SGSM3: variants seen among roughly 807,000 people sequenced by gnomAD.
SGSM3 encodes RUN and SH3 containing 3.
In SGSM3, 96 loss-of-function variants were observed where a neutral mutation model predicts 100.5. The ratio of observed to expected loss-of-function variants is 0.96; its 90% CI spans 0.81 to 1.13. The LOEUF (loss-of-function observed/expected upper bound fraction) is 1.13, where lower values mean the gene tolerates loss of function less well. SGSM3 is among the 50% of genes most tolerant of loss of function. The pLI, the probability that SGSM3 is intolerant of heterozygous loss-of-function variation, is 0.00. For missense variants in SGSM3, 1,001 were observed against 1,015.8 expected (o/e 0.99, Z 0.20); for synonymous variants, 483 against 422.8 (o/e 1.14, Z -1.75).
At chr22:40,387,770 A>G (rs1193595037) in intron 1 of SGSM3, among the ~76,000 whole-genome samples, 3 of 152,166 alleles carry the variant, frequency 2.0e-5, no homozygotes, top group Admixed American at 1.3e-4. Context: ...TATTAGAGGA[A>G]TGATCGAGGG....
At chr22:40,395,140 G>C (rs1248761920) in intron 1 of SGSM3, among the ~76,000 whole-genome samples, 1 of 152,088 alleles carries the variant, frequency 6.6e-6, no homozygotes, top group African/African-American at 2.4e-5. Flanking sequence ...CTAACACATG[G>C]AACAGTGTTT....
chr22:40,408,010 CTG>C (rs1046195715), intron 14 of SGSM3, 59 bp from the exon 15 acceptor site: 3 of 1,560,822 alleles, frequency 1.9e-6, no homozygotes, highest in South Asian at 1.2e-5. Flanking sequence ...TGCCTGCAGG[CTG>C]TGTCTGCTCT....
At chr22:40,396,001 C>G (rs1230158253) in intron 1 of SGSM3, among the ~76,000 whole-genome samples, 1 of 152,138 alleles carries the variant, frequency 6.6e-6, no homozygotes, top group Admixed American at 6.5e-5. Context: ...GAATAGGCGC[C>G]AAGGAGAAAA....
rs1440482506 is a variant in SGSM3, at chr22:40,400,698, C to T, written c.-109C>T. The T allele has an allele frequency of 2.9e-6, 3 of 1,028,032 alleles. No individual in the cohort carries two copies. Among genetic ancestry groups the T allele is most frequent in the Non-Finnish European group, 4.4e-6 (3 of 679,988 alleles). 63.7% of individuals were successfully genotyped at this position (1,028,032 alleles called of 1,614,324 possible). ...TTTCCTCTTTTCTCTTCTAACAGGG[C>T]AGATGATTCTGGACCAGATGAAGCC... On this transcript the variant is annotated splice_region_variant and 5_prime_UTR_variant, in exon 2 of 22. Transcript: ENST00000248929.
chr22:40,382,145 A>G (rs1316908338), intron 1 of SGSM3, among the ~76,000 whole-genome samples: 1 of 152,114 alleles, frequency 6.6e-6, no homozygotes, highest in Non-Finnish European at 1.5e-5. Context: ...TGAGGTCAGG[A>G]TAAGTTTAGG....
At position 40,405,199 on chromosome 22, in the gene SGSM3, G is replaced by C. The variant is rs745396761; in HGVS notation, c.533G>C (p.Ser178Thr). The change falls in exon 7 of 22, where the codon AGC becomes ACC. Residue 178 changes from serine (S) to threonine (T), a missense_variant. Coordinates refer to ENST00000248929, the MANE Select transcript of SGSM3 (RefSeq NM_015705.6). ...AACGCCTGCTTCGCCAGCATGGGTA[G>C]CATCGGGGTGCCCCGCCTGCGCAGG... ...PSNACFASMG[S>T]IGVPRLRRVL... 5 of 1,586,182 alleles carry C rather than the reference G, an allele frequency of 3.2e-6. No individual in the cohort carries two copies. Among genetic ancestry groups the C allele is most frequent in the South Asian group, 2.3e-5 (2 of 88,256 alleles).
intron 9 of SGSM3, 92 bp from the exon 10 acceptor site, chr22:40,406,346 A>AC (rs2051515629): frequency 6.6e-7 from 1 of 1,504,904 alleles, no homozygotes; most frequent in African/African-American, 1.4e-5. Context: ...GCCAAGGCAA[A>AC]CGGGTCCCTG....
At chr22:40,386,533 G>GTCTT (rs2048472109) in intron 1 of SGSM3, among the ~76,000 whole-genome samples, 2 of 122,210 alleles carry the variant, frequency 1.6e-5, no homozygotes, top group Admixed American at 1.8e-4. Context: ...CTTTAAATCA[G>GTCTT]TCTTTTGACC....
chr22:40,402,265 C>T (rs1364110315), intron 4 of SGSM3, 60 bp downstream of exon 4: 34 of 1,290,730 alleles, frequency 2.6e-5, no homozygotes, highest in Non-Finnish European at 3.8e-5. Context: ...GGACTCCGCT[C>T]CCTTGACTGA....
intron 1 of SGSM3, among the ~76,000 whole-genome samples, chr22:40,371,895 C>T (rs2045575291): frequency 6.6e-6 from 1 of 151,534 alleles, no homozygotes; most frequent in African/African-American, 2.4e-5. Flanking sequence ...CGGGGTTTTT[C>T]GCCATGTTGG....
intron 1 of SGSM3, chr22:40,372,795 CTT>C (rs1232081455): frequency 3.9e-5 from 6 of 152,178 alleles, no homozygotes; most frequent in African/African-American, 1.4e-4. Context: ...CAGTTTTTCT[CTT>C]CTTAGTTCTC....
At chr22:40,385,764 G>C (rs1239509440) in intron 1 of SGSM3, among the ~76,000 whole-genome samples, 1 of 152,212 alleles carries the variant, frequency 6.6e-6, no homozygotes, top group Non-Finnish European at 1.5e-5. Flanking sequence ...GATGAATGAA[G>C]GTTGCTGAGC....
intron 10 of SGSM3, 175 bp from the exon 11 acceptor site, chr22:40,406,842 C>CA: frequency 1.2e-6 from 1 of 865,092 alleles, no homozygotes; most frequent in African/African-American, 1.7e-5. Flanking sequence ...TTGTGCACCT[C>CA]AGGTTCTGAT....
intron 1 of SGSM3, among the ~76,000 whole-genome samples, chr22:40,384,342 C>A (rs1420110979): frequency 1.3e-5 from 2 of 152,106 alleles, no homozygotes; most frequent in Non-Finnish European, 2.9e-5. Flanking sequence ...TAAAAAGAAT[C>A]ATCTGAGATA....
chr22:40,387,539 C>A (rs1325962254), intron 1 of SGSM3: 1 of 229,674 alleles, frequency 4.4e-6, no homozygotes, highest in Non-Finnish European at 8.4e-6. Flanking sequence ...GTCTCAGTGG[C>A]CTTCTTTGCC....
rs774577542 is a variant in SGSM3 at position 40,408,097 on chromosome 22, G to A, written c.1606G>A (p.Val536Ile). The part of the protein sequence containing the change: ...RGWFPAKFVE[V>I]LDERSKEYSI... ...CTGGTTTCCAGCCAAGTTCGTGGAA[G>A]TCCTGGATGAGCGCAGCAAAGAGGT... Residue 536 changes from valine (V) to isoleucine (I), a missense_variant, in exon 15 of 22, where the codon GTC becomes ATC. Physicochemically the swap from Val to Ile is conservative, Grantham distance 29. Transcript: ENST00000248929. 4 of 1,613,232 alleles carry A rather than the reference G, an allele frequency of 2.5e-6. No individual in the cohort carries two copies. Among genetic ancestry groups the A allele is most frequent in the African/African-American group, 2.7e-5 (2 of 74,918 alleles).
intron 4 of SGSM3, among the ~76,000 whole-genome samples, chr22:40,403,418 C>G (rs530270043): frequency 6.6e-6 from 1 of 152,136 alleles, no homozygotes; most frequent in Non-Finnish European, 1.5e-5. Context: ...TGCAGGCCCC[C>G]GAACAAAACT....
chr22:40,395,991 G>T (rs1601956648), intron 1 of SGSM3, among the ~76,000 whole-genome samples: 2 of 152,178 alleles, frequency 1.3e-5, no homozygotes, highest in South Asian at 4.1e-4. Context: ...GTGTGCTGAA[G>T]AATAGGCGCC....
At chr22:40,377,532 A>G (rs1236123675) in intron 1 of SGSM3, among the ~76,000 whole-genome samples, 1 of 152,196 alleles carries the variant, frequency 6.6e-6, no homozygotes, top group Non-Finnish European at 1.5e-5. Flanking sequence ...GCATGAGGTC[A>G]TGTCATGTAA....
Sources: allele counts gnomAD v4.1 joint callset (sites outside exome capture counted in the v4.1 genomes callset), GRCh38; gene constraint gnomAD v4.1.1; transcripts MANE v1.5; gene names NCBI Gene and HGNC (gene_info 2026-07-23, HGNC 2026-07-21).